The following MTREX variants were observed in gnomAD, a reference collection of about 807,000 sequenced individuals.
MTREX encodes the protein Mtr4 exosome RNA helicase, also known as exosome RNA helicase MTR4.
A neutral mutation model predicts 135.4 loss-of-function variants in MTREX; 76 were observed. The observed-to-expected ratio is 0.56, with a 90% confidence interval of 0.47 to 0.68. MTREX has a LOEUF of 0.68. Ranked by LOEUF, MTREX falls within the 30% of genes least tolerant of loss-of-function variation. MTREX has a pLI of 0.00. For synonymous variants in MTREX, 404 were observed against 401.6 expected, an observed-to-expected ratio of 1.01 and a Z score of -0.07; for missense variants, 920 against 1,262.1, an observed-to-expected ratio of 0.73 and a Z score of 4.11.
intron 9 of MTREX, 48 bp downstream of exon 9, chr5:55,344,668 ATTAATATCTTGTTG>A (rs1749701954): frequency 9.5e-7 from 1 of 1,053,518 alleles, no homozygotes; most frequent in South Asian, 1.5e-5. Context: ...ATACTTTATT[ATTAATATCTTGTTG>A]TTGTTGTTTT....
rs771340131 is a variant in MTREX at position 55,328,711 on chromosome 5, A to C, written c.415A>C (p.Ile139Leu). Residue 139 changes from isoleucine (I) to leucine (L), a missense_variant, in exon 5 of 27, where the codon ATT becomes CTT. This residue lies in a region of MTREX where 82 missense variants were observed against 107.4 expected (regional missense o/e 0.76). Coordinates refer to ENST00000230640, the MANE Select transcript of MTREX (RefSeq NM_015360.5). ...VGKAAKEYPFILDAFQREAIQ... is the reference protein window; with the variant it reads ...VGKAAKEYPFLLDAFQREAIQ... The stretch of plus-strand genomic sequence containing the variant: ...TTTGTTTTTATAGGAATACCCGTTC[A>C]TTCTTGATGCTTTTCAAAGAGAGGC... 3.7e-6 allele frequency: 6 copies of C among 1,610,304 alleles called. No homozygotes were observed. The highest frequency in any genetic ancestry group is 5.1e-6 in the Non-Finnish European group (6 of 1,176,824).
chr5:55,357,558 TG>T (rs1749940748), intron 14 of MTREX: 1 of 153,298 alleles, frequency 6.5e-6, no homozygotes, highest in Non-Finnish European at 1.5e-5. Flanking sequence ...CCAGTGAGGC[TG>T]GTGGGATCTG....
chr5:55,392,992 C>A (rs766089435), intron 19 of MTREX, among the ~76,000 whole-genome samples: 21 of 152,200 alleles, frequency 1.4e-4, no homozygotes, highest in Non-Finnish European at 2.8e-4. Context: ...TGGAGTCTTC[C>A]GGGGAACCAC....
intron 16 of MTREX, among the ~76,000 whole-genome samples, chr5:55,368,793 CCT>C (rs1750147303): frequency 2.7e-5 from 4 of 148,800 alleles, no homozygotes; most frequent in African/African-American, 1.0e-4. Context: ...ATAAATGTAA[CCT>C]CTCTAATTGA....
At chr5:55,315,371 A>G (rs1016019307) in intron 1 of MTREX, among the ~76,000 whole-genome samples, 21 of 151,922 alleles carry the variant, frequency 1.4e-4, no homozygotes, top group African/African-American at 4.8e-4. Flanking sequence ...TTGCTCTTGG[A>G]TTTTTTGTCA....
At chr5:55,375,138 G>T (rs1750274482) in intron 16 of MTREX, among the ~76,000 whole-genome samples, 1 of 152,206 alleles carries the variant, frequency 6.6e-6, no homozygotes. Context: ...GAGATCACAG[G>T]ACCGCAGGAC....
At chr5:55,423,892 CTGA>C (rs1210037263) in intron 26 of MTREX, 3 of 152,186 alleles carry the variant, frequency 2.0e-5, no homozygotes, top group Admixed American at 6.5e-5. Flanking sequence ...CAAAAACTGG[CTGA>C]TATTTCCACA....
At chr5:55,382,147 A>C (rs1750405895) in intron 18 of MTREX, among the ~76,000 whole-genome samples, 1 of 151,796 alleles carries the variant, frequency 6.6e-6, no homozygotes, top group Non-Finnish European at 1.5e-5. Context: ...ATCTGTTCAC[A>C]TTGAGTTTTA....
intron 25 of MTREX, 114 bp downstream of exon 25, chr5:55,416,246 ATCT>A (rs1554035417): frequency 6.3e-6 from 4 of 632,724 alleles, no homozygotes; most frequent in African/African-American, 3.9e-5. Context: ...ACTAAATGAA[ATCT>A]TCTCCCTATT....
intron 24 of MTREX, among the ~76,000 whole-genome samples, chr5:55,415,007 C>T (rs185423892): frequency 6.6e-6 from 1 of 151,704 alleles, no homozygotes; most frequent in African/African-American, 2.4e-5. Flanking sequence ...ATCCTCAAAG[C>T]CACAGTAGTT....
At chr5:55,403,488 A>G (rs554255357) in intron 21 of MTREX, among the ~76,000 whole-genome samples, 29 of 152,376 alleles carry the variant, frequency 1.9e-4, no homozygotes, top group Non-Finnish European at 3.7e-4. Flanking sequence ...TATATCTAAA[A>G]TATTTCACGT....
rs142533410 is a variant in MTREX at position 55,423,191 on chromosome 5, C to T, written c.3076+209C>T. ...CATGCATTTACGTATATTAATTGTA[C>T]GCTAACTACATGCCAGGCATTGTTT... is the stretch of plus-strand genomic sequence containing the variant. On this transcript the variant is annotated intron_variant, in intron 26 of 26. Transcript: ENST00000230640. 150 of 543,058 alleles carry T rather than the reference C, an allele frequency of 2.8e-4. No homozygotes were observed. The East Asian group carries it at 3.9e-3, about 14-fold the overall frequency. 33.6% of individuals were successfully genotyped at this position (543,058 alleles called of 1,614,324 possible).
At chr5:55,422,823 T>G in intron 25 of MTREX, 55 bp from the exon 26 acceptor site, 1 of 1,425,216 alleles carries the variant, frequency 7.0e-7, no homozygotes, top group Non-Finnish European at 9.7e-7. Context: ...TAACAAAAAT[T>G]CTGCTGTTCC....
chr5:55,399,515 T>A (rs1355110042), intron 20 of MTREX, among the ~76,000 whole-genome samples: 1 of 152,072 alleles, frequency 6.6e-6, no homozygotes, highest in Admixed American at 6.6e-5. Context: ...TGAGACGGAG[T>A]CTTGCTCTGT....
At chr5:55,347,741 C>T (rs1287047799) in intron 11 of MTREX, among the ~76,000 whole-genome samples, 4 of 152,140 alleles carry the variant, frequency 2.6e-5, no homozygotes, top group Non-Finnish European at 4.4e-5. Flanking sequence ...TGCATTTTCA[C>T]GCTGCTGATA....
intron 16 of MTREX, among the ~76,000 whole-genome samples, chr5:55,377,145 T>A: frequency 6.6e-6 from 1 of 151,760 alleles, no homozygotes; most frequent in Non-Finnish European, 1.5e-5. Context: ...CTGGCTAACA[T>A]GGTGAAACCC....
chr5:55,366,826 A>G lies in MTREX; in HGVS notation c.1761A>G (p.Lys587=). 2 of 1,610,074 alleles carry G rather than the reference A, an allele frequency of 1.2e-6. No homozygotes were observed. The highest frequency in any genetic ancestry group is 8.5e-7 in the Non-Finnish European group (1 of 1,178,040). The change falls in exon 16 of 27, where the codon AAA becomes AAG. Residue 587 remains lysine, a synonymous_variant. Coordinates refer to ENST00000230640, the MANE Select transcript of MTREX (RefSeq NM_015360.5). ...EEINPEYMLE[K]SFYQFQHYRA... ...TTAATCCTGAGTACATGTTGGAAAA[A>G]TCCTTCTACCAGTTTCAGCATTATA...
chr5:55,355,457 G>C (rs1231588416), intron 14 of MTREX, among the ~76,000 whole-genome samples: 1 of 152,158 alleles, frequency 6.6e-6, no homozygotes, highest in Non-Finnish European at 1.5e-5. Context: ...GAGGCACCTG[G>C]GGGATGGAAT....
intron 7 of MTREX, 24 bp from the exon 8 acceptor site, chr5:55,343,307 A>C: frequency 6.3e-7 from 1 of 1,590,990 alleles, no homozygotes; most frequent in Non-Finnish European, 8.6e-7. Context: ...ACTATAGTCC[A>C]AAGTATATAT....
Sources: allele counts gnomAD v4.1 joint callset (sites outside exome capture counted in the v4.1 genomes callset), GRCh38; gene constraint gnomAD v4.1.1; regional missense constraint gnomAD v4.1.1; transcripts MANE v1.5; gene names NCBI Gene and HGNC (gene_info 2026-07-23, HGNC 2026-07-21).